The following PSMA3 variants were observed in gnomAD, a reference collection of about 807,000 sequenced individuals.
PSMA3 encodes proteasome 20S subunit alpha 3.
Under a neutral mutation model 40.0 loss-of-function variants are expected in PSMA3, and 8 were observed. The observed-to-expected ratio is 0.20, with a 90% CI of 0.12 to 0.36. PSMA3 has a LOEUF of 0.36. PSMA3 is among the 10% of genes least tolerant of loss of function. The pLI, the probability that PSMA3 is intolerant of heterozygous loss-of-function variation, is 1.00. For missense variants in PSMA3, 219 were observed against 310.6 expected (o/e 0.70, Z 2.22); for synonymous variants, 110 against 100.0 (o/e 1.10, Z -0.59).
intron 3 of PSMA3, 92 bp from the exon 4 acceptor site, chr14:58,257,653 G>A (rs1890175327): frequency 1.7e-6 from 2 of 1,167,704 alleles, no homozygotes; most frequent in Non-Finnish European, 2.5e-6. Context: ...GGTAATACTT[G>A]TTAAAAAAAT....
At chr14:58,263,370 GTC>G (rs1043729756) in intron 6 of PSMA3, among the ~76,000 whole-genome samples, 60 of 152,166 alleles carry the variant, frequency 3.9e-4, no homozygotes, top group African/African-American at 1.4e-3. Context: ...CTTTATTTCT[GTC>G]TCTCAGGAAT....
intron 3 of PSMA3, among the ~76,000 whole-genome samples, chr14:58,253,839 C>T (rs1890072273): frequency 6.6e-6 from 1 of 152,226 alleles, no homozygotes. Flanking sequence ...AGTGATCTAC[C>T]CGCCTTGGCC....
intron 1 of PSMA3, 92 bp from the exon 2 acceptor site, chr14:58,247,658 G>A: frequency 2.5e-6 from 2 of 798,598 alleles, no homozygotes; most frequent in South Asian, 3.4e-5. Flanking sequence ...GGATATAACA[G>A]GTTCCTGATG....
At position 58,271,834 on chromosome 14, in the gene PSMA3, C is replaced by T; in HGVS notation, c.724-17C>T. On this transcript the variant is annotated splice_polypyrimidine_tract_variant and intron_variant, in intron 10 of 10. Coordinates refer to ENST00000216455, the MANE Select transcript of PSMA3 (RefSeq NM_002788.4). ...AATTTTAAAAATCAATTTTAAACAC[C>T]TGTTTTCTCTTAACAGGAATCTCTG... 7 of 1,586,520 alleles carry T rather than the reference C, an allele frequency of 4.4e-6. No homozygotes were observed. The highest frequency in any genetic ancestry group is 2.2e-5 in the South Asian group (2 of 89,952).
chr14:58,250,760 G>A (rs1049365535), intron 2 of PSMA3, among the ~76,000 whole-genome samples: 17 of 152,166 alleles, frequency 1.1e-4, no homozygotes, highest in African/African-American at 4.1e-4. Flanking sequence ...TTTAGATTCT[G>A]ACTATGGCAA....
At chr14:58,269,052 A>G (rs992157665) in intron 8 of PSMA3, among the ~76,000 whole-genome samples, 1 of 151,928 alleles carries the variant, frequency 6.6e-6, no homozygotes, top group Non-Finnish European at 1.5e-5. Context: ...CTCCTGCATC[A>G]GCCTCTCAAG....
At chr14:58,259,028 A>G (rs1289446469) in intron 5 of PSMA3, among the ~76,000 whole-genome samples, 1 of 152,162 alleles carries the variant, frequency 6.6e-6, no homozygotes, top group Non-Finnish European at 1.5e-5. Flanking sequence ...ACCTGGCTCA[A>G]GCGATGCTCC....
rs372674898 is a variant in PSMA3 at position 58,247,014 on chromosome 14, A to G, written c.22-736A>G. On this transcript the variant is annotated intron_variant, in intron 1 of 10. Coordinates refer to ENST00000216455, the MANE Select transcript of PSMA3 (RefSeq NM_002788.4). ...GTTTACTCTTCTTTCTGCTGCTTAC[A>G]GTGCTTGGGACACAGTGACCTTATT... Among the ~76,000 whole-genome samples the G allele has an allele frequency of 2.6e-5, 4 of 152,334 alleles. No homozygotes were observed. In the East Asian group the frequency reaches 5.8e-4, roughly 22 times the overall value.
At chr14:58,251,586 CT>C (rs1458991659) in intron 2 of PSMA3, among the ~76,000 whole-genome samples, 2 of 152,070 alleles carry the variant, frequency 1.3e-5, no homozygotes, top group East Asian at 3.9e-4. Flanking sequence ...ATTTTAAGAT[CT>C]TTTTATTTTA....
At chr14:58,248,010 G>A (rs548382299) in intron 2 of PSMA3, among the ~76,000 whole-genome samples, 178 bp downstream of exon 2, 6 of 152,106 alleles carry the variant, frequency 3.9e-5, no homozygotes, top group Middle Eastern at 3.4e-3. Context: ...TATATTTCTC[G>A]TTGATTCCAG....
intron 1 of PSMA3, among the ~76,000 whole-genome samples, chr14:58,245,641 C>T (rs1345890879): frequency 6.6e-6 from 1 of 152,172 alleles, no homozygotes; most frequent in African/African-American, 2.4e-5. Flanking sequence ...GACTTGTTAA[C>T]TTGTTTGGCT....
intron 3 of PSMA3, among the ~76,000 whole-genome samples, chr14:58,257,529 A>G (rs1450554180): frequency 5.3e-5 from 8 of 152,114 alleles, no homozygotes; most frequent in Non-Finnish European, 1.0e-4. Context: ...CTGAATATGA[A>G]CATTGGACAA....
Position 58,252,256 on chromosome 14 carries a change from T to C in PSMA3, c.228+14T>C, listed in dbSNP as rs772003566. The stretch of plus-strand genomic sequence containing the variant: ...CATGTTGGAATGGTAAGGTCATGTT[T>C]AAAATGTTCCTTTTTGTCTTGTCCA... On this transcript the variant is annotated intron_variant, in intron 3 of 10. Coordinates refer to ENST00000216455, the MANE Select transcript of PSMA3 (RefSeq NM_002788.4). The C allele has an allele frequency of 6.2e-7, 1 of 1,601,126 alleles. No homozygotes were observed. The highest frequency in any genetic ancestry group is 1.4e-5 in the African/African-American group (1 of 73,912).
At chr14:58,265,045 G>C (rs1415665329) in intron 7 of PSMA3, 1 of 152,210 alleles carries the variant, frequency 6.6e-6, no homozygotes, top group Admixed American at 6.5e-5. Context: ...AGGACTGCTT[G>C]AGCCCAGTAG....
At chr14:58,271,189 G>C (rs886264395) in intron 10 of PSMA3, among the ~76,000 whole-genome samples, 191 bp downstream of exon 10, 1 of 150,926 alleles carries the variant, frequency 6.6e-6, no homozygotes, top group Non-Finnish European at 1.5e-5. Flanking sequence ...ATAACACTGA[G>C]AGTTCAGTTG....
At chr14:58,255,367 A>G (rs1461077476) in intron 3 of PSMA3, among the ~76,000 whole-genome samples, 2 of 152,176 alleles carry the variant, frequency 1.3e-5, no homozygotes, top group African/African-American at 4.8e-5. Flanking sequence ...TTTCACAGCA[A>G]CCACTAACAG....
intron 3 of PSMA3, among the ~76,000 whole-genome samples, chr14:58,256,416 CTTTT>C (rs377353285): frequency 3.7e-5 from 5 of 136,618 alleles, no homozygotes; most frequent in African/African-American, 5.4e-5. Flanking sequence ...TGAGCATTTC[CTTTT>C]TTTTTTTTTT....
Position 58,267,490 on chromosome 14 carries a change from G to T in PSMA3, c.560G>T (p.Cys187Phe), listed in dbSNP as rs983843435. The T allele has an allele frequency of 6.4e-7, 1 of 1,569,836 alleles. No individual in the cohort carries two copies. The highest frequency in any genetic ancestry group is 8.6e-7 in the Non-Finnish European group (1 of 1,163,766). ...IEKLQMKEMT[C>F]RDIVKEVAKI... is the part of the protein sequence containing the mutation. ...TTTCTATAGATGAAAGAAATGACCT[G>T]CCGTGATATCGTTAAAGAAGTTGCA... is the stretch of plus-strand genomic sequence containing the variant. The change falls in exon 8 of 11, where the codon TGC becomes TTC. Residue 187 changes from cysteine (C) to phenylalanine (F), a missense_variant. Physicochemically the swap from Cys to Phe is radical, Grantham distance 205 (BLOSUM62 -2). Coordinates refer to ENST00000216455, the MANE Select transcript of PSMA3 (RefSeq NM_002788.4).
chr14:58,259,281 G>A (rs2140088253), intron 5 of PSMA3, among the ~76,000 whole-genome samples: 1 of 152,194 alleles, frequency 6.6e-6, no homozygotes, highest in African/African-American at 2.4e-5. Flanking sequence ...AGTAAGAATA[G>A]TAGAGATAAC....
Sources: allele counts gnomAD v4.1 joint callset (sites outside exome capture counted in the v4.1 genomes callset), GRCh38; gene constraint gnomAD v4.1.1; transcripts MANE v1.5; gene names NCBI Gene and HGNC (gene_info 2026-07-23, HGNC 2026-07-21).